ZC3H6: variants seen among roughly 807,000 people sequenced by gnomAD.
The protein encoded by ZC3H6 is zinc finger CCCH domain-containing protein 6.
ZC3H6 carries 40 observed loss-of-function variants against 107.7 expected under a neutral mutation model. The ratio of observed to expected loss-of-function variants is 0.37; its 90% confidence interval spans 0.29 to 0.48. The LOEUF (loss-of-function observed/expected upper bound fraction) is 0.48, where lower values mean the gene tolerates loss of function less well. ZC3H6 is among the 20% of genes least tolerant of loss of function. ZC3H6 has a pLI of 0.98. For missense variants in ZC3H6, 1,267 were observed against 1,410.4 expected (o/e 0.90, Z 1.63); for synonymous variants, 493 against 487.9 (o/e 1.01, Z -0.14).
At chr2:112,328,547 A>G (rs1314019198) in intron 11 of ZC3H6, among the ~76,000 whole-genome samples, 1 of 152,190 alleles carries the variant, frequency 6.6e-6, no homozygotes, top group Non-Finnish European at 1.5e-5. Context: ...TACATTTTCA[A>G]AGAAGATATT....
chr2:112,314,834 A>G (rs1676666779), intron 5 of ZC3H6, among the ~76,000 whole-genome samples: 1 of 152,326 alleles, frequency 6.6e-6, no homozygotes, highest in Admixed American at 6.5e-5. Context: ...TATTATAAGC[A>G]ATTTCATTGT....
intron 5 of ZC3H6, among the ~76,000 whole-genome samples, chr2:112,315,137 T>C (rs1573960116): frequency 1.3e-5 from 2 of 152,316 alleles, no homozygotes; most frequent in African/African-American, 2.4e-5. Context: ...TCCTATGATA[T>C]ACAGGGCACA....
intron 3 of ZC3H6, among the ~76,000 whole-genome samples, chr2:112,308,639 C>G (rs1676536610): frequency 6.7e-6 from 1 of 148,850 alleles, no homozygotes; most frequent in South Asian, 2.2e-4. Context: ...ACCATGTTGG[C>G]CAGGCTCTTC....
In ZC3H6 at chr2:112,331,583, T is replaced by A; in HGVS notation, c.2665T>A (p.Leu889Ile). The change falls in exon 12 of 12, where the codon TTA becomes ATA. Residue 889 changes from leucine (L) to isoleucine (I), a missense_variant. By Grantham distance (5) the Leu-to-Ile change is conservative. Around this residue, in one of 3 missense-constraint regions of ZC3H6, gnomAD observed 925 missense variants for 1,025.7 expected, o/e 0.90. Transcript: ENST00000409871. ...WAPEDLLPVP[L>I]PKPDPVSSIN... ...TCCCGAAGACTTACTTCCAGTACCT[T>A]TACCTAAACCTGATCCAGTGTCTTC... The A allele has an allele frequency of 6.2e-7, 1 of 1,613,906 alleles. No individual in the cohort carries two copies. The highest frequency in any genetic ancestry group is 8.5e-7 in the Non-Finnish European group (1 of 1,179,858).
rs569329637 is a variant in ZC3H6 at position 112,324,221 on chromosome 2, A to G, written c.1410A>G (p.Gln470=). 10 of 1,609,920 alleles carry G rather than the reference A, an allele frequency of 6.2e-6. No homozygotes were observed. Among genetic ancestry groups the G allele is most frequent in the East Asian group, 2.2e-5 (1 of 44,704 alleles). The change falls in exon 10 of 12, where the codon CAA becomes CAG. Residue 470 remains glutamine (Q), a synonymous_variant. Coordinates refer to ENST00000409871, the MANE Select transcript of ZC3H6 (RefSeq NM_198581.3). The stretch of plus-strand genomic sequence containing the variant: ...TTCAGGGAAGCAGTCCACACCCTCA[A>G]CATATCTATAGTTCTGGGTCAAGTC... ...PQFQGSSPHP[Q]HIYSSGSSPG... is the part of the protein sequence containing the mutation.
In ZC3H6 at chr2:112,305,669, C is replaced by T. The variant is rs1038249298; in HGVS notation, c.336+2318C>T. Among the ~76,000 whole-genome samples, 70 of 152,258 alleles carry T rather than the reference C, an allele frequency of 4.6e-4. 1 individual carries two copies. The highest frequency in any genetic ancestry group is 1.5e-3 in the African/African-American group (63 of 41,564). ...ATGATACCATTTTCTTTTAGCCAGACGCACTGCATCGTTTAGCCTTTGCTT... is the reference window on the plus strand; with the variant it reads ...ATGATACCATTTTCTTTTAGCCAGATGCACTGCATCGTTTAGCCTTTGCTT... On this transcript the variant is annotated intron_variant, in intron 3 of 11. Coordinates refer to ENST00000409871, the MANE Select transcript of ZC3H6 (RefSeq NM_198581.3).
At chr2:112,289,479 C>T (rs1676058206) in intron 1 of ZC3H6, among the ~76,000 whole-genome samples, 1 of 151,604 alleles carries the variant, frequency 6.6e-6, no homozygotes, top group South Asian at 2.1e-4. Flanking sequence ...CGCCCGCAAC[C>T]ACGCCCAGCT....
intron 1 of ZC3H6, among the ~76,000 whole-genome samples, chr2:112,290,285 C>T (rs1444176024): frequency 6.6e-6 from 1 of 152,226 alleles, no homozygotes; most frequent in African/African-American, 2.4e-5. Flanking sequence ...TATAGTGTGT[C>T]ATACTCTGTT....
At chr2:112,285,912 G>C (rs557796899) in intron 1 of ZC3H6, 13 of 167,854 alleles carry the variant, frequency 7.7e-5, no homozygotes, top group Non-Finnish European at 1.5e-4. Context: ...AGTGAGCAGA[G>C]ATTGCCCCAC....
intron 3 of ZC3H6, among the ~76,000 whole-genome samples, chr2:112,305,199 A>G (rs562198510): frequency 4.7e-4 from 71 of 152,272 alleles, no homozygotes; most frequent in African/African-American, 1.7e-3. Context: ...TCATTTGGAG[A>G]CTCTTACAAT....
rs1459630528 is a variant in ZC3H6 at position 112,322,427 on chromosome 2, G to A, written c.1087-222G>A. Among the ~76,000 whole-genome samples, 5 of 150,004 alleles carry A rather than the reference G, an allele frequency of 3.3e-5. 1 individual carries two copies. In the Middle Eastern group the frequency reaches 0.014, roughly 414 times the overall value. On this transcript the variant is annotated intron_variant, in intron 8 of 11. Coordinates refer to ENST00000409871, the MANE Select transcript of ZC3H6 (RefSeq NM_198581.3). ...TGCCCAGCTAATTTTTGCATTTTTT[G>A]TAGAGACAGGGGTTTCTCCGTGTTG...
intron 7 of ZC3H6, among the ~76,000 whole-genome samples, chr2:112,317,637 T>C (rs60315298): frequency 6.6e-6 from 1 of 152,320 alleles, no homozygotes; most frequent in East Asian, 1.9e-4. Context: ...AAAATACTTA[T>C]TTTATTCCAT....
chr2:112,293,317 C>G (rs1676156818), intron 1 of ZC3H6, among the ~76,000 whole-genome samples: 1 of 152,016 alleles, frequency 6.6e-6, no homozygotes, highest in Non-Finnish European at 1.5e-5. Flanking sequence ...GTAAAACAAA[C>G]CAAGTAAAAA....
intron 1 of ZC3H6, among the ~76,000 whole-genome samples, chr2:112,293,336 G>A (rs977246546): frequency 2.6e-5 from 4 of 152,176 alleles, no homozygotes; most frequent in Non-Finnish European, 5.9e-5. Context: ...AATTGCCATG[G>A]CTGTAAATAG....
chr2:112,293,362 C>T (rs922574228), intron 1 of ZC3H6, among the ~76,000 whole-genome samples: 21 of 152,108 alleles, frequency 1.4e-4, no homozygotes, highest in African/African-American at 4.8e-4. Context: ...AAGGGGTAAG[C>T]TAAGTTTCTG....
chr2:112,314,563 GGTGTGT>G (rs139897769), intron 5 of ZC3H6, among the ~76,000 whole-genome samples: 31 of 150,682 alleles, frequency 2.1e-4, no homozygotes, highest in African/African-American at 7.3e-4. Flanking sequence ...CATTTTTCAG[GGTGTGT>G]GTGTGTGTGT....
intron 1 of ZC3H6, among the ~76,000 whole-genome samples, chr2:112,295,839 T>C (rs1052601283): frequency 6.6e-6 from 1 of 152,192 alleles, no homozygotes; most frequent in Non-Finnish European, 1.5e-5. Flanking sequence ...AAATAATGTA[T>C]GTAAAGTAGG....
chr2:112,299,131 G>T (rs1676306745), intron 1 of ZC3H6, among the ~76,000 whole-genome samples: 1 of 152,002 alleles, frequency 6.6e-6, no homozygotes, highest in Admixed American at 6.6e-5. Flanking sequence ...CAAAAAATTA[G>T]CCGGGCGTGG....
chr2:112,311,990 A>C (rs1157497947), intron 5 of ZC3H6, 53 bp downstream of exon 5: 13 of 1,491,526 alleles, frequency 8.7e-6, no homozygotes, highest in Non-Finnish European at 9.0e-7. Context: ...CTTTTAATTT[A>C]TTTGATGGCA....
Sources: allele counts gnomAD v4.1 joint callset (sites outside exome capture counted in the v4.1 genomes callset), GRCh38; gene constraint gnomAD v4.1.1; regional missense constraint gnomAD v4.1.1; transcripts MANE v1.5; gene names NCBI Gene and HGNC (gene_info 2026-07-23, HGNC 2026-07-21).